Variants in FAM53B observed in about 807,000 individuals in gnomAD.
FAM53B encodes family with sequence similarity 53 member B.
Under a neutral mutation model 32.7 loss-of-function variants are expected in FAM53B, and 12 were observed. The ratio of observed to expected loss-of-function variants is 0.37; its 90% CI spans 0.24 to 0.59. The LOEUF (loss-of-function observed/expected upper bound fraction) is 0.59, where lower values mean the gene tolerates loss of function less well. FAM53B is among the 20% of genes least tolerant of loss of function. The pLI, the probability that FAM53B is intolerant of heterozygous loss-of-function variation, is 0.72. For synonymous variants in FAM53B, 234 were observed against 228.7 expected, an observed-to-expected ratio of 1.02 and a Z score of -0.21; for missense variants, 477 against 577.7, an observed-to-expected ratio of 0.83 and a Z score of 1.79.
intron 4 of FAM53B, among the ~76,000 whole-genome samples, chr10:124,660,899 G>A (rs1211474766): frequency 6.6e-6 from 1 of 152,100 alleles, no homozygotes; most frequent in South Asian, 2.1e-4. Context: ...GCAGAGCTGT[G>A]TACCAATAAA....
chr10:124,735,938 G>C (rs1012793495), intron 1 of FAM53B, among the ~76,000 whole-genome samples: 23 of 152,218 alleles, frequency 1.5e-4, no homozygotes, highest in African/African-American at 5.1e-4. Context: ...TTTTGCCCTC[G>C]ATGATACAGA....
intron 4 of FAM53B, among the ~76,000 whole-genome samples, chr10:124,656,980 T>C (rs562664717): frequency 6.6e-6 from 1 of 151,532 alleles, no homozygotes; most frequent in African/African-American, 2.4e-5. Flanking sequence ...ATGGCACATG[T>C]ATACATACGT....
chr10:124,667,458 AATC>A (rs1367341159), intron 4 of FAM53B: 1 of 755,006 alleles, frequency 1.3e-6, no homozygotes, highest in Admixed American at 1.8e-5. Flanking sequence ...TTCTTCTGCA[AATC>A]ATCCCCCACC....
At chr10:124,690,021 C>T (rs1490042864) in intron 3 of FAM53B, among the ~76,000 whole-genome samples, 1 of 152,244 alleles carries the variant, frequency 6.6e-6, no homozygotes, top group Non-Finnish European at 1.5e-5. Context: ...TGGTCCATCT[C>T]CTCTGGATTT....
At position 124,636,714 on chromosome 10, in the gene FAM53B, G is replaced by A. The variant is rs114795276; in HGVS notation, c.907-13110C>T. Among the ~76,000 whole-genome samples, 867 of 152,112 alleles carry A rather than the reference G, an allele frequency of 5.7e-3. 14 individuals are homozygous for A. Among genetic ancestry groups the A allele is most frequent in the African/African-American group, 0.02 (813 of 41,512 alleles). ...CATCCTGCGGAGGTTAGAGGAGGCTGCCTGTTTGTCACCAATGGTTCTGGG... is the reference window on the plus strand; with the variant it reads ...CATCCTGCGGAGGTTAGAGGAGGCTACCTGTTTGTCACCAATGGTTCTGGG... On this transcript the variant is annotated intron_variant, in intron 4 of 4. Transcript: ENST00000337318.
rs371350124 is a variant in FAM53B, at chr10:124,708,552, A to C, written c.-174-1665T>G. The stretch of plus-strand genomic sequence containing the variant: ...CCAAGTGTGATCTGTTCAAGGAAAG[A>C]ATTTCAGACCACTCCTGCAAGTTCT... On this transcript the variant is annotated intron_variant, in intron 1 of 4. Transcript: ENST00000337318. Among the ~76,000 whole-genome samples, 5 of 152,346 alleles carry C rather than the reference A, an allele frequency of 3.3e-5. No homozygotes were observed. In the East Asian group the frequency reaches 9.6e-4, roughly 29 times the overall value.
At chr10:124,715,418 GTCACAA>G (rs1950033232) in intron 1 of FAM53B, among the ~76,000 whole-genome samples, 1 of 152,190 alleles carries the variant, frequency 6.6e-6, no homozygotes, top group East Asian at 1.9e-4. Context: ...CCTGCAGGGA[GTCACAA>G]TGGCTTCTTG....
intron 4 of FAM53B, among the ~76,000 whole-genome samples, chr10:124,672,758 G>A (rs2134063685): frequency 6.6e-6 from 1 of 152,314 alleles, no homozygotes; most frequent in East Asian, 1.9e-4. Context: ...GACAGGAAAG[G>A]GTAAGGAATG....
Position 124,673,143 on chromosome 10 carries a change from C to T in FAM53B, c.906+8464G>A, listed in dbSNP as rs577417778. Among the ~76,000 whole-genome samples, 5 of 152,230 alleles carry T rather than the reference C, an allele frequency of 3.3e-5. No individual in the cohort carries two copies. The East Asian group carries it at 9.7e-4, about 30-fold the overall frequency. On this transcript the variant is annotated intron_variant, in intron 4 of 4. Coordinates refer to ENST00000337318, the MANE Select transcript of FAM53B (RefSeq NM_014661.4). ...CTTATGCCTATCACCACTTCCACTGCCCCCACCCTTGTCTAGCCCACCTTC... is the reference window on the plus strand; with the variant it reads ...CTTATGCCTATCACCACTTCCACTGTCCCCACCCTTGTCTAGCCCACCTTC...
At chr10:124,645,035 G>A (rs899453599) in intron 4 of FAM53B, among the ~76,000 whole-genome samples, 7 of 152,330 alleles carry the variant, frequency 4.6e-5, no homozygotes, top group African/African-American at 1.4e-4. Context: ...AGGCAAGGGC[G>A]CCAAGCAGAG....
At chr10:124,649,794 A>C (rs1032686317) in intron 4 of FAM53B, among the ~76,000 whole-genome samples, 1 of 152,182 alleles carries the variant, frequency 6.6e-6, no homozygotes, top group African/African-American at 2.4e-5. Context: ...AAAAGCAACC[A>C]AATATACATA....
chr10:124,653,151 G>A (rs1248881357), intron 4 of FAM53B, among the ~76,000 whole-genome samples: 2 of 152,240 alleles, frequency 1.3e-5, no homozygotes, highest in Non-Finnish European at 2.9e-5. Flanking sequence ...AATGACACTG[G>A]TAGGGCCTTG....
At chr10:124,667,906 C>T (rs1054010269) in intron 4 of FAM53B, among the ~76,000 whole-genome samples, 7 of 152,172 alleles carry the variant, frequency 4.6e-5, no homozygotes, top group South Asian at 2.1e-4. Flanking sequence ...TTCACTCCCA[C>T]GACATGGGGA....
rs576377032 is a variant in FAM53B at position 124,681,826 on chromosome 10, G to C, written c.687C>G (p.Leu229=). ...GGGRLDLQRS[L]SCSHEQFSFV... is the part of the protein sequence containing the mutation. ...AGGAAAACTGCTCATGTGAGCAAGA[G>C]AGGGACCGCTGCAGGTCCAGCCGGC... Residue 229 remains leucine (L), a synonymous_variant, in exon 4 of 5, where the codon CTC becomes CTG. Transcript: ENST00000337318. The C allele has an allele frequency of 1.2e-6, 2 of 1,611,718 alleles. No homozygotes were observed. Among genetic ancestry groups the C allele is most frequent in the African/African-American group, 2.7e-5 (2 of 74,934 alleles).
At position 124,622,995 on chromosome 10, in the gene FAM53B, G is replaced by C. The variant is rs376351549; in HGVS notation, c.*247C>G. On this transcript the variant is annotated 3_prime_UTR_variant, in exon 5 of 5. Coordinates refer to ENST00000337318, the MANE Select transcript of FAM53B (RefSeq NM_014661.4). ...CTTCAAAGCTGTCCTCTGGGCTGCAGTAGTTCTGTGGACCTGGTGGCTGCC... is the reference window on the plus strand; with the variant it reads ...CTTCAAAGCTGTCCTCTGGGCTGCACTAGTTCTGTGGACCTGGTGGCTGCC... 16 of 524,878 alleles carry C rather than the reference G, an allele frequency of 3.0e-5. No individual in the cohort carries two copies. In the South Asian group the frequency reaches 4.2e-4, roughly 14 times the overall value. 32.5% of individuals were successfully genotyped at this position (524,878 alleles called of 1,614,324 possible).
intron 4 of FAM53B, among the ~76,000 whole-genome samples, chr10:124,659,979 G>T (rs1949618552): frequency 6.6e-6 from 1 of 152,190 alleles, no homozygotes; most frequent in African/African-American, 2.4e-5. Flanking sequence ...GCTAATTTTT[G>T]TATTTGTAGT....
intron 4 of FAM53B, among the ~76,000 whole-genome samples, chr10:124,661,085 T>C (rs1265036065): frequency 2.3e-5 from 3 of 129,916 alleles, no homozygotes; most frequent in African/African-American, 8.9e-5. Context: ...AAACAGGCAA[T>C]GGAAGGATCT....
chr10:124,675,010 G>A (rs529885447), intron 4 of FAM53B, among the ~76,000 whole-genome samples: 3 of 152,344 alleles, frequency 2.0e-5, no homozygotes, highest in Non-Finnish European at 2.9e-5. Flanking sequence ...CTCAATTGAA[G>A]CGTGGAAATC....
intron 1 of FAM53B, among the ~76,000 whole-genome samples, chr10:124,720,255 T>C (rs1041128012): frequency 6.6e-6 from 1 of 151,262 alleles, no homozygotes; most frequent in Non-Finnish European, 1.5e-5. Context: ...TTCTCAGACT[T>C]AAAAATAATA....
Sources: gnomAD v4.1 joint callset for allele counts (sites outside exome capture counted in the v4.1 genomes callset) on GRCh38, gnomAD v4.1.1 for gene constraint, MANE v1.5 for transcripts, NCBI Gene and HGNC (gene_info 2026-07-23, HGNC 2026-07-21) for gene names.